MMP26: variants seen among roughly 807,000 people sequenced by gnomAD.
The protein encoded by MMP26 is matrix metallopeptidase 26.
In MMP26, 33 loss-of-function variants were observed where a neutral mutation model predicts 31.0. That is an observed-to-expected ratio of 1.06 (90% CI 0.81 to 1.42). The LOEUF is 1.42. Among genes scored for constraint, MMP26 ranks in the 40% most tolerant of loss-of-function variants. MMP26 has a pLI of 0.00. For synonymous variants in MMP26, 122 were observed against 114.9 expected, an observed-to-expected ratio of 1.06 and a Z score of -0.40; for missense variants, 347 against 316.1, an observed-to-expected ratio of 1.10 and a Z score of -0.74.
chr11:4,786,470 C>G (rs889601574), intron 2 of MMP26, among the ~76,000 whole-genome samples: 3 of 134,004 alleles, frequency 2.2e-5, no homozygotes. Flanking sequence ...GTTTACAGTG[C>G]AAGGTAGTAA....
chr11:4,724,818 C>G (rs146866111), intron 1 of MMP26, among the ~76,000 whole-genome samples: 65 of 152,302 alleles, frequency 4.3e-4, no homozygotes, highest in Middle Eastern at 6.8e-3. Context: ...AGTTGTCAGA[C>G]TATCAAGGAA....
At chr11:4,890,746 A>G (rs1181104999) in intron 2 of MMP26, 1 of 152,094 alleles carries the variant, frequency 6.6e-6, no homozygotes, top group Non-Finnish European at 1.5e-5. Flanking sequence ...GAGAGATATT[A>G]CTTCTAAACA....
At chr11:4,762,975 G>C (rs533263708) in intron 1 of MMP26, among the ~76,000 whole-genome samples, 2 of 152,164 alleles carry the variant, frequency 1.3e-5, no homozygotes, top group Non-Finnish European at 2.9e-5. Flanking sequence ...TTGGGATTTA[G>C]TATCTTCTTG....
chr11:4,933,077 A>G (rs1343680868), intron 2 of MMP26, among the ~76,000 whole-genome samples: 1 of 152,144 alleles, frequency 6.6e-6, no homozygotes, highest in African/African-American at 2.4e-5. Context: ...TGTTAGAGAA[A>G]GCCGAAAATG....
intron 2 of MMP26, chr11:4,915,711 G>C (rs1248499901): frequency 7.4e-7 from 1 of 1,347,454 alleles, no homozygotes; most frequent in East Asian, 2.3e-5. Context: ...AAATCCTGAA[G>C]TAAATTGAGG....
intron 1 of MMP26, among the ~76,000 whole-genome samples, chr11:4,725,597 G>C (rs920408406): frequency 2.6e-5 from 4 of 152,176 alleles, no homozygotes; most frequent in Non-Finnish European, 4.4e-5. Context: ...AGAAGGTGCT[G>C]TTAAATGGGG....
chr11:4,772,062 G>A (rs889356713), intron 2 of MMP26, among the ~76,000 whole-genome samples: 1 of 152,130 alleles, frequency 6.6e-6, no homozygotes, highest in African/African-American at 2.4e-5. Context: ...TAGTAAGGTA[G>A]AATTGAGCTG....
Position 4,764,734 on chromosome 11 carries a change from G to A in MMP26, c.-216-2536G>A, listed in dbSNP as rs1480528841. ...TAAAAATACAAAAAATTAGCTGGGC[G>A]CGGTGGCGGGCGCCTGTAGTCCCAG... On this transcript the variant is annotated intron_variant, in intron 1 of 7. Transcript: ENST00000380390. Among the ~76,000 whole-genome samples the A allele has an allele frequency of 2.6e-5, 4 of 152,080 alleles. No individual in the cohort carries two copies. In the East Asian group the frequency reaches 7.7e-4, roughly 29 times the overall value.
In MMP26 at chr11:4,797,303, T is replaced by A. The variant is rs534015301; in HGVS notation, c.-145+29962T>A. Among the ~76,000 whole-genome samples, 233 of 151,562 alleles carry A rather than the reference T, an allele frequency of 1.5e-3. 2 individuals are homozygous for A. The highest frequency in any genetic ancestry group is 6.8e-3 in the Middle Eastern group (2 of 292). On this transcript the variant is annotated intron_variant, in intron 2 of 7. Transcript: ENST00000380390. Reference sequence around the variant, plus strand: ...GAATTTTCATCCCATGTGTGTTTAATAAAACCAGCTTCATAAAGTTCTGTT... The same window carrying A: ...GAATTTTCATCCCATGTGTGTTTAAAAAAACCAGCTTCATAAAGTTCTGTT...
intron 2 of MMP26, chr11:4,803,931 G>C (rs760034202): frequency 6.8e-6 from 11 of 1,613,194 alleles, no homozygotes; most frequent in Non-Finnish European, 7.6e-6. Context: ...TCAGCATCAC[G>C]ATGGTCCCCA....
chr11:4,769,271 A>T, intron 2 of MMP26: 2 of 1,613,736 alleles, frequency 1.2e-6, no homozygotes, highest in Non-Finnish European at 1.7e-6. Flanking sequence ...TGACAGGACA[A>T]TGCATGGTGT....
chr11:4,715,395 A>T (rs1847916241), intron 1 of MMP26, among the ~76,000 whole-genome samples: 1 of 151,228 alleles, frequency 6.6e-6, no homozygotes, highest in Non-Finnish European at 1.5e-5. Flanking sequence ...TTCTGACTTG[A>T]CTTAGAGTAG....
At chr11:4,853,952 C>A (rs758661804) in intron 2 of MMP26, among the ~76,000 whole-genome samples, 1 of 152,084 alleles carries the variant, frequency 6.6e-6, no homozygotes, top group Non-Finnish European at 1.5e-5. Context: ...GGAATTTATG[C>A]GTAAGTGCAG....
chr11:4,978,633 T>C lies in MMP26; in HGVS notation c.-144-9435T>C, dbSNP rs566018518. ...AAATGTTTTCCTCATATTAAAAAAA[T>C]TAACACAATGGATATTGATTTAGTT... On this transcript the variant is annotated intron_variant, in intron 2 of 7. Transcript: ENST00000380390. 2.0e-5 allele frequency among the ~76,000 whole-genome samples: 3 copies of C among 152,206 alleles called. No homozygotes were observed. The South Asian group carries it at 6.2e-4, about 32-fold the overall frequency.
chr11:4,803,105 G>A (rs1849205752), intron 2 of MMP26, among the ~76,000 whole-genome samples: 1 of 152,146 alleles, frequency 6.6e-6, no homozygotes, highest in Non-Finnish European at 1.5e-5. Flanking sequence ...TACTGACAGT[G>A]TAAAAACAAC....
chr11:4,864,180 T>A (rs1270733994), intron 2 of MMP26, among the ~76,000 whole-genome samples: 1 of 152,212 alleles, frequency 6.6e-6, no homozygotes, highest in African/African-American at 2.4e-5. Flanking sequence ...AAAAGATCTT[T>A]GAATTAGCTG....
chr11:4,920,154 T>C (rs1259734231), intron 2 of MMP26, among the ~76,000 whole-genome samples: 1 of 152,224 alleles, frequency 6.6e-6, no homozygotes, highest in African/African-American at 2.4e-5. Flanking sequence ...TCTAGATTTC[T>C]GTCTTTATGG....
chr11:4,958,536 GTCTA>G (rs201149566), intron 2 of MMP26, among the ~76,000 whole-genome samples: 3,047 of 151,846 alleles, frequency 0.02, 36 homozygotes, highest in Middle Eastern at 0.037. Context: ...CTATCTATCT[GTCTA>G]TCTATCTATC....
At chr11:4,988,368 C>CGT (rs369231824) in intron 3 of MMP26, 58 bp downstream of exon 3, 26 of 1,308,668 alleles carry the variant, frequency 2.0e-5, no homozygotes, top group Admixed American at 3.4e-5. Flanking sequence ...GCTCTTATTT[C>CGT]GTGTGTGTGT....
Sources: allele counts gnomAD v4.1 joint callset (sites outside exome capture counted in the v4.1 genomes callset), GRCh38; gene constraint gnomAD v4.1.1; transcripts MANE v1.5; gene names NCBI Gene and HGNC (gene_info 2026-07-23, HGNC 2026-07-21).